The following ZC3H14 variants were observed in gnomAD, a reference collection of about 807,000 sequenced individuals.
ZC3H14 encodes zinc finger CCCH-type containing 14, also known as zinc finger CCCH domain-containing protein 14.
In ZC3H14, 31 loss-of-function variants were observed where a neutral mutation model predicts 92.4. That is an observed-to-expected ratio of 0.34 (90% confidence interval 0.25 to 0.45). The LOEUF (loss-of-function observed/expected upper bound fraction) is 0.45. Ranked by LOEUF, ZC3H14 falls within the 20% of genes least tolerant of loss-of-function variation. ZC3H14 has a pLI of 1.00. For missense variants in ZC3H14, 781 were observed against 897.3 expected, an observed-to-expected ratio of 0.87 and a Z score of 1.66; for synonymous variants, 321 against 300.9, an observed-to-expected ratio of 1.07 and a Z score of -0.69.
intron 9 of ZC3H14, among the ~76,000 whole-genome samples, chr14:88,578,781 GTTTTTTTT>G (rs35101368): frequency 9.1e-5 from 7 of 76,818 alleles, no homozygotes; most frequent in Admixed American, 5.2e-4. Flanking sequence ...TTGCTTCCAG[GTTTTTTTT>G]TTTTTTTTTT....
intron 8 of ZC3H14, among the ~76,000 whole-genome samples, chr14:88,576,273 A>G (rs2081147152): frequency 6.6e-6 from 1 of 152,228 alleles, no homozygotes; most frequent in Non-Finnish European, 1.5e-5. Flanking sequence ...ATTAGATATG[A>G]ATTTACGATG....
At chr14:88,571,455 G>C (rs1168373680) in intron 4 of ZC3H14, among the ~76,000 whole-genome samples, 1 of 152,056 alleles carries the variant, frequency 6.6e-6, no homozygotes, top group Non-Finnish European at 1.5e-5. Context: ...GTATTACCAT[G>C]TGTGGAATAA....
chr14:88,567,907 C>G, intron 2 of ZC3H14, 132 bp from the exon 3 acceptor site: 1 of 752,134 alleles, frequency 1.3e-6, no homozygotes, highest in Non-Finnish European at 2.3e-6. Flanking sequence ...GCTAAGCCAT[C>G]TTGTCCAATG....
At position 88,611,899 on chromosome 14, in the gene ZC3H14, C is replaced by CTAAT. The variant is rs200017618; in HGVS notation, c.*150_*153dup. 6.2e-3 allele frequency: 6,840 copies of CTAAT among 1,101,268 alleles called. 291 individuals are homozygous for CTAAT. The African/African-American group carries it at 0.092, about 15-fold the overall frequency. The allele number at this position is 1,101,268 out of a possible 1,614,324, so 68.2% of individuals were successfully genotyped here. A position where few individuals can be genotyped will look rare whatever the true frequency, so the allele number is the denominator to read the frequency against. Reference sequence around the variant, plus strand: ...TTTATTGCCTATCTATCTGAAGTGTCTAATTTTTCAAGTTTGTAAGTTTAT... The same window carrying CTAAT: ...TTTATTGCCTATCTATCTGAAGTGTCTAATTAATTTTTCAAGTTTGTAAGTTTAT... On this transcript the variant is annotated 3_prime_UTR_variant, in exon 17 of 17. Coordinates refer to ENST00000251038, the MANE Select transcript of ZC3H14 (RefSeq NM_024824.5).
intron 9 of ZC3H14, among the ~76,000 whole-genome samples, chr14:88,580,701 GTTT>G (rs1400506808): frequency 6.6e-6 from 1 of 152,068 alleles, no homozygotes; most frequent in Non-Finnish European, 1.5e-5. Context: ...GTGAAAACAT[GTTT>G]GAAACTGTTG....
Position 88,618,656 on chromosome 14 carries a change from A to G in ZC3H14, c.*6905A>G, listed in dbSNP as rs1266465789. 5.6e-6 allele frequency: 9 copies of G among 1,612,506 alleles called. No homozygotes were observed. Among genetic ancestry groups the G allele is most frequent in the Non-Finnish European group, 3.4e-6 (4 of 1,179,378 alleles). ...TACAGTATTGGTACTGTACCTGGAG[A>G]TAACTGCTATCTGCAGAGAAGTCCA... On this transcript the variant is annotated 3_prime_UTR_variant, in exon 17 of 17. Coordinates refer to ENST00000251038, the MANE Select transcript of ZC3H14 (RefSeq NM_024824.5).
Position 88,622,863 on chromosome 14 carries a change from T to A in ZC3H14, c.*11112T>A. On this transcript the variant is annotated 3_prime_UTR_variant, in exon 17 of 17. Coordinates refer to ENST00000251038, the MANE Select transcript of ZC3H14 (RefSeq NM_024824.5). ...TTTACCTCTAATATTCTTGTAAACT[T>A]TCTATGGCAATTTGAGGATATACTA... 1 of 514,500 alleles carries A rather than the reference T, an allele frequency of 1.9e-6. No homozygotes were observed. Among genetic ancestry groups the A allele is most frequent in the East Asian group, 3.2e-5 (1 of 30,890 alleles). 31.9% of individuals were successfully genotyped at this position (514,500 alleles called of 1,614,324 possible). A position where few individuals can be genotyped will look rare whatever the true frequency, so the allele number is the denominator to read the frequency against.
rs749971920 is a variant in ZC3H14 at position 88,572,796 on chromosome 14, C to A, written c.650C>A (p.Pro217Gln). 6.2e-7 allele frequency: 1 copy of A among 1,614,128 alleles called. No individual in the cohort carries two copies. Among genetic ancestry groups the A allele is most frequent in the South Asian group, 1.1e-5 (1 of 91,076 alleles). Reference sequence around the variant, plus strand: ...CGCCCTTCTATTGAAATTTATCGACCACCTGCAAGTAGAAATGCAGATAGT... The same window carrying A: ...CGCCCTTCTATTGAAATTTATCGACAACCTGCAAGTAGAAATGCAGATAGT... ...SSRPSIEIYR[P>Q]PASRNADSGV... The change falls in exon 6 of 17, where the codon CCA becomes CAA. Residue 217 changes from proline to glutamine, a missense_variant. Coordinates refer to ENST00000251038, the MANE Select transcript of ZC3H14 (RefSeq NM_024824.5).
chr14:88,585,904 C>T (rs370343858), intron 9 of ZC3H14, among the ~76,000 whole-genome samples: 1 of 152,164 alleles, frequency 6.6e-6, no homozygotes. Context: ...TGCGGTGGCT[C>T]ATGCCTGTAA....
chr14:88,576,308 A>G (rs2081151271), intron 8 of ZC3H14, among the ~76,000 whole-genome samples: 1 of 152,244 alleles, frequency 6.6e-6, no homozygotes, highest in East Asian at 1.9e-4. Context: ...CAATTGGACA[A>G]TGATAGGTAT....
chr14:88,626,076 TAG>T lies in ZC3H14; in HGVS notation c.*14329_*14330del, dbSNP rs750881913. 13 of 152,146 alleles carry T rather than the reference TAG, an allele frequency of 8.5e-5. No homozygotes were observed. Among genetic ancestry groups the T allele is most frequent in the Non-Finnish European group, 1.5e-4 (10 of 68,048 alleles). The allele number at this position is 152,146 out of a possible 1,614,324, so 9.4% of individuals were successfully genotyped here. ...TCACTACCTCCTTCTTCCCTCGAAGTAGAGACACTGGCCCAGAGCACTTCCAG... is the reference window on the plus strand; with the variant it reads ...TCACTACCTCCTTCTTCCCTCGAAGTAGACACTGGCCCAGAGCACTTCCAG... On this transcript the variant is annotated 3_prime_UTR_variant, in exon 17 of 17. Coordinates refer to ENST00000251038, the MANE Select transcript of ZC3H14 (RefSeq NM_024824.5).
chr14:88,570,736 G>C (rs1000313428), intron 3 of ZC3H14, among the ~76,000 whole-genome samples: 1 of 152,136 alleles, frequency 6.6e-6, no homozygotes, highest in Non-Finnish European at 1.5e-5. Context: ...ATTTTTTATT[G>C]ACTTCTGTAG....
chr14:88,574,903 T>C, intron 7 of ZC3H14, 50 bp downstream of exon 7: 1 of 1,612,368 alleles, frequency 6.2e-7, no homozygotes, highest in South Asian at 1.1e-5. Flanking sequence ...TGGTGGAGTC[T>C]TCCTGATTTA....
intron 2 of ZC3H14, among the ~76,000 whole-genome samples, chr14:88,566,924 GAAA>G (rs1159219239): frequency 8.6e-6 from 1 of 116,062 alleles, no homozygotes; most frequent in African/African-American, 3.1e-5. Flanking sequence ...TGTCGTAAAA[GAAA>G]AAAAAAAAAA....
Position 88,615,630 on chromosome 14 carries a change from C to T in ZC3H14, c.*3879C>T, listed in dbSNP as rs1468187486. 2.1e-5 allele frequency: 12 copies of T among 560,600 alleles called. No homozygotes were observed. Among genetic ancestry groups the T allele is most frequent in the Admixed American group, 7.0e-5 (2 of 28,400 alleles). The allele number at this position is 560,600 out of a possible 1,614,324, so 34.7% of individuals were successfully genotyped here. ...GCATTATCTGGCAGTGTATGGATTACGGATTATACCCAGTGCATATAGCAA... is the reference window on the plus strand; with the variant it reads ...GCATTATCTGGCAGTGTATGGATTATGGATTATACCCAGTGCATATAGCAA... On this transcript the variant is annotated 3_prime_UTR_variant, in exon 17 of 17. Transcript: ENST00000251038.
In ZC3H14 at chr14:88,618,910, G is replaced by A; in HGVS notation, c.*7159G>A. ...CCTTTCTAGTTCTTAAAAGTAACGT[G>A]TGATAAGGCCTCAAATAGATTTACC... On this transcript the variant is annotated 3_prime_UTR_variant, in exon 17 of 17. Transcript: ENST00000251038. The A allele has an allele frequency of 8.1e-7, 1 of 1,234,912 alleles. No individual in the cohort carries two copies. Among genetic ancestry groups the A allele is most frequent in the South Asian group, 1.7e-5 (1 of 59,532 alleles). The allele number at this position is 1,234,912 out of a possible 1,614,324, so 76.5% of individuals were successfully genotyped here. A position where few individuals can be genotyped will look rare whatever the true frequency, so the allele number is the denominator to read the frequency against.
chr14:88,621,963 C>T lies in ZC3H14; in HGVS notation c.*10212C>T. On this transcript the variant is annotated 3_prime_UTR_variant, in exon 17 of 17. Transcript: ENST00000251038. ...AGTCATCCTACAGTACTACAGAATA[C>T]TAAAACATACTATTCCTATCTGGCT... The T allele has an allele frequency of 2.3e-6, 1 of 442,288 alleles. No individual in the cohort carries two copies. The highest frequency in any genetic ancestry group is 3.3e-4 in the Middle Eastern group (1 of 3,002). The allele number at this position is 442,288 out of a possible 1,614,324, so 27.4% of individuals were successfully genotyped here.
chr14:88,591,538 G>A (rs1023481463), intron 9 of ZC3H14: 17 of 152,178 alleles, frequency 1.1e-4, no homozygotes, highest in African/African-American at 4.1e-4. Context: ...CAGAAGGAGA[G>A]ATTATAATTG....
Position 88,624,960 on chromosome 14 carries a change from GA to G in ZC3H14, c.*13210del. 2.5e-6 allele frequency: 4 copies of G among 1,612,144 alleles called. No individual in the cohort carries two copies. Among genetic ancestry groups the G allele is most frequent in the Non-Finnish European group, 3.4e-6 (4 of 1,179,204 alleles). ...TGCATAAATATTCTGTGAAAAGAAA[GA>G]GGACTCACGGCCTTTCCTTTCCCCC... On this transcript the variant is annotated 3_prime_UTR_variant, in exon 17 of 17. Coordinates refer to ENST00000251038, the MANE Select transcript of ZC3H14 (RefSeq NM_024824.5).
Sources: allele counts gnomAD v4.1 joint callset (sites outside exome capture counted in the v4.1 genomes callset), GRCh38; gene constraint gnomAD v4.1.1; transcripts MANE v1.5; gene names NCBI Gene and HGNC (gene_info 2026-07-23, HGNC 2026-07-21).